CLVS1: variants seen among roughly 807,000 people sequenced by gnomAD.
The protein encoded by CLVS1 is clavesin-1.
CLVS1 carries 10 observed loss-of-function variants against 33.1 expected under a neutral mutation model. That is an observed-to-expected ratio of 0.30 (90% CI 0.19 to 0.51). CLVS1 has a LOEUF of 0.51. CLVS1 is among the 20% of genes least tolerant of loss of function. The pLI is 0.97. For missense variants in CLVS1, 343 were observed against 433.4 expected (o/e 0.79, Z 1.85); for synonymous variants, 163 against 166.1 (o/e 0.98, Z 0.14).
intron 2 of CLVS1, among the ~76,000 whole-genome samples, chr8:61,154,535 C>T (rs1456522867): frequency 6.6e-6 from 1 of 152,214 alleles, no homozygotes; most frequent in East Asian, 1.9e-4. Context: ...ATAAACAAAA[C>T]CCAAAGCAAC....
chr8:61,475,991 A>G (rs1486855951), intron 5 of CLVS1, among the ~76,000 whole-genome samples: 3 of 152,132 alleles, frequency 2.0e-5, no homozygotes, highest in Non-Finnish European at 2.9e-5. Context: ...TAAGGAAGGG[A>G]TCCAGTTTCA....
chr8:61,414,576 T>A (rs946674280), intron 3 of CLVS1, among the ~76,000 whole-genome samples: 1 of 152,156 alleles, frequency 6.6e-6, no homozygotes, highest in Non-Finnish European at 1.5e-5. Flanking sequence ...GCCCTCTGTT[T>A]TGGCTGGGGC....
At chr8:60,986,062 C>T in the CLVS1 span, among the ~76,000 whole-genome samples, 1 of 152,202 alleles carries the variant, frequency 6.6e-6, no homozygotes, top group African/African-American at 2.4e-5. Context: ...CCTGAATACC[C>T]AGCAATGTGT....
At chr8:61,497,484 G>C (rs75549095) in intron 5 of CLVS1, among the ~76,000 whole-genome samples, 4,778 of 148,968 alleles carry the variant, frequency 0.032, 131 homozygotes, top group African/African-American at 0.073. Context: ...GTACCTTTGT[G>C]ACTGACCTTA....
upstream of CLVS1, among the ~76,000 whole-genome samples, chr8:61,055,349 G>A (rs1335673832): frequency 1.3e-5 from 2 of 152,196 alleles, no homozygotes; most frequent in African/African-American, 2.4e-5. Context: ...AGTCACAAAA[G>A]CAGGTCTTCC....
At chr8:61,409,486 T>C (rs1481187057) in intron 3 of CLVS1, among the ~76,000 whole-genome samples, 1 of 150,546 alleles carries the variant, frequency 6.6e-6, no homozygotes, top group East Asian at 2.0e-4. Context: ...TCCCTCCTTA[T>C]TTCTTTTGAA....
intron 2 of CLVS1, among the ~76,000 whole-genome samples, chr8:61,223,655 C>T (rs1808270272): frequency 6.6e-6 from 1 of 152,046 alleles, no homozygotes; most frequent in South Asian, 2.1e-4. Flanking sequence ...GATTATGTGT[C>T]TTGAGGTTGA....
At chr8:61,291,465 G>A (rs1809988372) in intron 1 of CLVS1, among the ~76,000 whole-genome samples, 1 of 152,124 alleles carries the variant, frequency 6.6e-6, no homozygotes, top group African/African-American at 2.4e-5. Flanking sequence ...ATATATTTGT[G>A]TGTCATTTAC....
chr8:61,485,002 C>T (rs1437285352), intron 5 of CLVS1, among the ~76,000 whole-genome samples: 2 of 152,190 alleles, frequency 1.3e-5, no homozygotes, highest in African/African-American at 4.8e-5. Flanking sequence ...TAGAAGAAAA[C>T]CTAGGCATTA....
intron 2 of CLVS1, among the ~76,000 whole-genome samples, chr8:61,191,224 T>G (rs928237263): frequency 1.3e-5 from 2 of 152,072 alleles, no homozygotes; most frequent in Non-Finnish European, 2.9e-5. Context: ...GTTCAACATA[T>G]GCAAATCAAT....
intron 2 of CLVS1, among the ~76,000 whole-genome samples, chr8:61,188,464 C>A (rs1807392044): frequency 6.6e-6 from 1 of 150,800 alleles, no homozygotes; most frequent in African/African-American, 2.4e-5. Flanking sequence ...GAGAAAAAGA[C>A]CTTATTAACT....
rs561658850 is a variant in CLVS1 at position 61,345,104 on chromosome 8, A to G, written c.456-31501A>G. On this transcript the variant is annotated intron_variant, in intron 2 of 5. Coordinates refer to ENST00000325897, the MANE Select transcript of CLVS1 (RefSeq NM_173519.3). ...CTATCTTTATGTTCAAGGTTTTAAT[A>G]AAAACAAATCCTCTGTTAAGCTACA... is the stretch of plus-strand genomic sequence containing the variant. 3.3e-5 allele frequency among the ~76,000 whole-genome samples: 5 copies of G among 152,308 alleles called. No homozygotes were observed. The South Asian group carries it at 1.0e-3, about 32-fold the overall frequency.
intron 5 of CLVS1, 197 bp downstream of exon 5, chr8:61,458,739 C>T (rs770648563): frequency 6.2e-6 from 3 of 486,394 alleles, no homozygotes; most frequent in Non-Finnish European, 1.1e-5. Flanking sequence ...TAGTTGTCCC[C>T]ATTGTATCAA....
rs754316575 is a variant in CLVS1, at chr8:61,087,109, A to G, written c.-243+29879A>G. Among the ~76,000 whole-genome samples, 113 of 152,232 alleles carry G rather than the reference A, an allele frequency of 7.4e-4. 7 individuals carry two copies. The highest frequency in any genetic ancestry group is 1.8e-4 in the Non-Finnish European group (12 of 68,038). ...TCCTCCAGCTCCGAAATCAAGAAGG[A>G]AAGCAGGCTGGGCCAGTGAGCTGTT... On this transcript the variant is annotated intron_variant, in intron 1 of 2. Coordinates refer to the CLVS1 transcript ENST00000522621.
chr8:61,254,869 G>A (rs567067200), intron 2 of CLVS1, among the ~76,000 whole-genome samples: 19 of 152,248 alleles, frequency 1.2e-4, no homozygotes, highest in African/African-American at 1.9e-4. Flanking sequence ...TGAACTTCCC[G>A]GGTGAGGTGA....
At chr8:61,463,453 TC>T (rs769902639) in intron 5 of CLVS1, among the ~76,000 whole-genome samples, 2 of 152,134 alleles carry the variant, frequency 1.3e-5, no homozygotes, top group African/African-American at 2.4e-5. Context: ...TGTGCCTTCC[TC>T]CCCAAGCTTA....
chr8:61,392,664 C>G lies in CLVS1; in HGVS notation c.630+15885C>G, dbSNP rs181953553. Among the ~76,000 whole-genome samples the G allele has an allele frequency of 3.8e-3, 583 of 151,948 alleles. 5 individuals carry two copies. The highest frequency in any genetic ancestry group is 0.013 in the African/African-American group (553 of 41,470). On this transcript the variant is annotated intron_variant, in intron 3 of 5. Transcript: ENST00000325897. Reference sequence around the variant, plus strand: ...CTTGAGGGCAGGAGTTCTGGACCAGCCTTGCCAACATGGTGAAACACCATC... The same window carrying G: ...CTTGAGGGCAGGAGTTCTGGACCAGGCTTGCCAACATGGTGAAACACCATC...
chr8:61,318,228 C>G (rs1388852045), intron 2 of CLVS1, among the ~76,000 whole-genome samples: 2 of 152,156 alleles, frequency 1.3e-5, no homozygotes, highest in African/African-American at 2.4e-5. Context: ...TGGTTTTTCT[C>G]TCTAGTGGCT....
the CLVS1 span, among the ~76,000 whole-genome samples, chr8:60,971,382 T>A: frequency 6.6e-6 from 1 of 152,230 alleles, no homozygotes; most frequent in African/African-American, 2.4e-5. Context: ...CCCGGCCTAC[T>A]TTTCCTTTTT....
Sources: gnomAD v4.1 joint callset for allele counts (sites outside exome capture counted in the v4.1 genomes callset) on GRCh38, gnomAD v4.1.1 for gene constraint, MANE v1.5 for transcripts, NCBI Gene and HGNC (gene_info 2026-07-23, HGNC 2026-07-21) for gene names.